ANKRD45: variants seen among roughly 807,000 people sequenced by gnomAD.
ANKRD45 encodes the protein ankyrin repeat domain 45.
ANKRD45 carries 21 observed loss-of-function variants against 28.1 expected under a neutral mutation model. The ratio of observed to expected loss-of-function variants is 0.75; its 90% CI spans 0.53 to 1.08. The LOEUF (loss-of-function observed/expected upper bound fraction) is 1.08. Ranked by LOEUF, ANKRD45 falls within the 50% of genes least tolerant of loss-of-function variation. The probability of loss-of-function intolerance (pLI) is 0.00; values close to 1 mark genes in which losing one functional copy is unlikely to be tolerated. For synonymous variants in ANKRD45, 86 were observed against 103.9 expected, an observed-to-expected ratio of 0.83 and a Z score of 1.05; for missense variants, 261 against 308.7, an observed-to-expected ratio of 0.85 and a Z score of 1.16.
intron 3 of ANKRD45, among the ~76,000 whole-genome samples, 170 bp from the exon 4 acceptor site, chr1:173,627,329 C>T (rs1667982431): frequency 1.3e-5 from 2 of 152,194 alleles, no homozygotes; most frequent in Non-Finnish European, 2.9e-5. Flanking sequence ...TAAGCAATCA[C>T]AGTAGCTCCT....
chr1:173,707,745 C>G, the ANKRD45 span, among the ~76,000 whole-genome samples: 1 of 152,204 alleles, frequency 6.6e-6, no homozygotes, highest in Non-Finnish European at 1.5e-5. Context: ...AAAGAACCAG[C>G]CTTCTAACTC....
chr1:173,661,813 G>A (rs1451342891), intron 1 of ANKRD45, among the ~76,000 whole-genome samples: 1 of 152,084 alleles, frequency 6.6e-6, no homozygotes, highest in East Asian at 1.9e-4. Flanking sequence ...CATATATTCT[G>A]ATTGGAAACA....
the ANKRD45 span, among the ~76,000 whole-genome samples, chr1:173,690,025 T>G: frequency 7.1e-6 from 1 of 139,884 alleles, no homozygotes; most frequent in Non-Finnish European, 1.5e-5. Context: ...AGCTCCTTTT[T>G]AAAATTTCAG....
chr1:173,610,155 G>T lies in ANKRD45; in HGVS notation c.791C>A (p.Thr264Asn), dbSNP rs745346546. The change falls in exon 6 of 6, where the codon ACC (threonine) becomes AAC (asparagine). Residue 264 changes from threonine to asparagine, a missense_variant. Transcript: ENST00000333279. ...SHDQKRSQDD[T>N]SN ...TTACAGAACGTATGTTCAGTTGGAG[G>T]TATCATCTTGACTTCTCTTCTGGTC... The T allele has an allele frequency of 6.2e-7, 1 of 1,613,986 alleles. No individual in the cohort carries two copies. Among genetic ancestry groups the T allele is most frequent in the Non-Finnish European group, 8.5e-7 (1 of 1,179,908 alleles).
chr1:173,688,738 CCTCTCTCTCTTTCTGCCTCTTTCCTCT>C, the ANKRD45 span, among the ~76,000 whole-genome samples: 3 of 128,278 alleles, frequency 2.3e-5, no homozygotes, highest in African/African-American at 9.1e-5. Flanking sequence ...CTGCCTCTTT[CCTCTCTCTCTTTCTGCCTCTTTCCTCT>C]CTCTCTTTCT....
At chr1:173,669,509 T>C (rs1241775045) in intron 1 of ANKRD45, 5 of 455,622 alleles carry the variant, frequency 1.1e-5, no homozygotes, top group Non-Finnish European at 2.2e-5. Flanking sequence ...AGGAACAGGA[T>C]ACAGAAAGTG....
chr1:173,647,116 T>A, intron 2 of ANKRD45, 103 bp from the exon 3 acceptor site: 1 of 1,136,498 alleles, frequency 8.8e-7, no homozygotes, highest in Non-Finnish European at 1.2e-6. Flanking sequence ...GAACAATTAC[T>A]GTGGGCCAGG....
the ANKRD45 span, among the ~76,000 whole-genome samples, chr1:173,713,540 A>C: frequency 6.6e-6 from 1 of 152,250 alleles, no homozygotes; most frequent in Non-Finnish European, 1.5e-5. Flanking sequence ...TCCAGAGGTC[A>C]CAAGATATGC....
chr1:173,699,396 T>G, the ANKRD45 span, among the ~76,000 whole-genome samples: 1 of 152,188 alleles, frequency 6.6e-6, no homozygotes, highest in Non-Finnish European at 1.5e-5. Context: ...CCAATATCCC[T>G]GATGAACATC....
chr1:173,675,269 A>G, the ANKRD45 span: 8 of 272,856 alleles, frequency 2.9e-5, no homozygotes, highest in African/African-American at 1.6e-4. Flanking sequence ...TGGAGAAAAA[A>G]GAAGGAAAAA....
intron 3 of ANKRD45, among the ~76,000 whole-genome samples, chr1:173,634,401 G>T (rs192348675): frequency 6.6e-6 from 1 of 152,008 alleles, no homozygotes; most frequent in Admixed American, 6.6e-5. Flanking sequence ...TTTGGGCTAC[G>T]TTGTGTATAT....
the ANKRD45 span, among the ~76,000 whole-genome samples, chr1:173,682,578 AG>A: frequency 6.6e-6 from 1 of 152,046 alleles, no homozygotes; most frequent in Non-Finnish European, 1.5e-5. Flanking sequence ...AAGTAAATGA[AG>A]AAAAAAGAAT....
the ANKRD45 span, among the ~76,000 whole-genome samples, chr1:173,674,879 G>A: frequency 6.6e-6 from 1 of 152,114 alleles, no homozygotes; most frequent in South Asian, 2.1e-4. Flanking sequence ...ATTTTTTGGA[G>A]AAAGCATATT....
chr1:173,694,534 T>TTTATTATTA, the ANKRD45 span, among the ~76,000 whole-genome samples: 1,459 of 144,090 alleles, frequency 0.01, 15 homozygotes, highest in Non-Finnish European at 0.012. Context: ...ACTTAAGAAG[T>TTTATTATTA]TTATTATTAT....
intron 5 of ANKRD45, among the ~76,000 whole-genome samples, chr1:173,614,961 T>G (rs1475856222): frequency 2.0e-5 from 3 of 151,924 alleles, no homozygotes; most frequent in Non-Finnish European, 4.4e-5. Context: ...CAATGACAGG[T>G]GCACGCCACC....
chr1:173,659,873 A>G (rs930023459), intron 1 of ANKRD45, among the ~76,000 whole-genome samples: 5 of 152,224 alleles, frequency 3.3e-5, no homozygotes, highest in Non-Finnish European at 1.5e-5. Flanking sequence ...TCATTCAGTC[A>G]GTAACACATA....
chr1:173,688,787 CTCTG>C, the ANKRD45 span, among the ~76,000 whole-genome samples: 8 of 149,812 alleles, frequency 5.3e-5, no homozygotes, highest in Admixed American at 3.3e-4. Flanking sequence ...CCTCTTTCCT[CTCTG>C]TCTCTCTCTC....
At chr1:173,615,861 T>C (rs1267623932) in intron 5 of ANKRD45, among the ~76,000 whole-genome samples, 3 of 152,126 alleles carry the variant, frequency 2.0e-5, no homozygotes, top group Admixed American at 6.5e-5. Context: ...CCCAGCACTT[T>C]GGGAGGCAGA....
intron 2 of ANKRD45, chr1:173,657,674 G>T: frequency 9.1e-6 from 1 of 110,138 alleles, no homozygotes. Flanking sequence ...TGTCACCCAG[G>T]CTGTTCTTGA....
Sources: allele counts gnomAD v4.1 joint callset (sites outside exome capture counted in the v4.1 genomes callset), GRCh38; gene constraint gnomAD v4.1.1; transcripts MANE v1.5; gene names NCBI Gene and HGNC (gene_info 2026-07-23, HGNC 2026-07-21).